The following CASTOR1 variants were observed in gnomAD, a reference collection of about 807,000 sequenced individuals.
CASTOR1 encodes the protein GATS protein like 3.
In CASTOR1, 18 loss-of-function variants were observed where a neutral mutation model predicts 33.7. The observed-to-expected ratio is 0.53, with a 90% CI of 0.37 to 0.79. The LOEUF is 0.79. Ranked by LOEUF, CASTOR1 falls within the 30% of genes least tolerant of loss-of-function variation. The probability of loss-of-function intolerance (pLI) is 0.00; values close to 1 mark genes in which losing one functional copy is unlikely to be tolerated. For synonymous variants in CASTOR1, 175 were observed against 190.6 expected (o/e 0.92, Z 0.67); for missense variants, 362 against 446.3 (o/e 0.81, Z 1.70).
intron 2 of CASTOR1, 37 bp from the exon 3 acceptor site, chr22:30,287,597 G>A (rs1929813482): frequency 1.3e-6 from 2 of 1,557,390 alleles, no homozygotes; most frequent in South Asian, 1.2e-5. Context: ...GGGTCTACAA[G>A]GCTGGCCCCT....
Position 30,285,653 on chromosome 22 carries a change from G to T in CASTOR1, c.957C>A (p.Val319=). 6.4e-7 allele frequency: 1 copy of T among 1,571,888 alleles called. No homozygotes were observed. The highest frequency in any genetic ancestry group is 1.2e-5 in the South Asian group (1 of 85,732). Residue 319 remains valine (V), a synonymous_variant, in exon 9 of 9, where the codon GTC becomes GTA. Transcript: ENST00000407689. ...PEDGIGSVIE[V]LQRRQEGLAS The stretch of plus-strand genomic sequence containing the variant: ...CCAGGCCTTCCTGCCGCCGCTGGAG[G>T]ACCTCGATGACGCTGCCGATACCGT...
At chr22:30,289,285 C>T (rs1022305970) in intron 1 of CASTOR1, 100 bp downstream of exon 1, 100 of 917,632 alleles carry the variant, frequency 1.1e-4, no homozygotes, top group Non-Finnish European at 1.7e-4. Flanking sequence ...TCCCGCCCGC[C>T]TGCCTGCCTG....
At position 30,286,826 on chromosome 22, in the gene CASTOR1, T is replaced by C; in HGVS notation, c.628A>G (p.Ser210Gly). Residue 210 changes from serine to glycine, a missense_variant and splice_region_variant, in exon 5 of 9, where the codon AGC becomes GGC. Transcript: ENST00000407689. The stretch of plus-strand genomic sequence containing the variant: ...CAAAGACGAAGTTCCAAGGTCCACC[T>C]GTGCGAGTAGAAGAGGACATCTATG... ...TLIDVLFYSH[S>G]TPKEAASSSP... The C allele has an allele frequency of 1.2e-6, 2 of 1,614,162 alleles. No individual in the cohort carries two copies. Among genetic ancestry groups the C allele is most frequent in the Non-Finnish European group, 1.7e-6 (2 of 1,180,010 alleles).
Position 30,285,453 on chromosome 22 carries a change from G to A in CASTOR1, c.*167C>T. The A allele has an allele frequency of 1.7e-6, 1 of 594,276 alleles. No individual in the cohort carries two copies. Among genetic ancestry groups the A allele is most frequent in the East Asian group, 3.1e-5 (1 of 32,598 alleles). 36.8% of individuals were successfully genotyped at this position (594,276 alleles called of 1,614,324 possible). On this transcript the variant is annotated 3_prime_UTR_variant, in exon 9 of 9. Transcript: ENST00000407689. Reference sequence around the variant, plus strand: ...ACTCCACCTGTGAGTGTACACAGGTGTCCGCGTAAAAGCCGGTGCCTGCAC... The same window carrying A: ...ACTCCACCTGTGAGTGTACACAGGTATCCGCGTAAAAGCCGGTGCCTGCAC...
chr22:30,287,010 G>A, intron 4 of CASTOR1, 62 bp from the exon 5 acceptor site: 3 of 1,571,406 alleles, frequency 1.9e-6, no homozygotes, highest in Non-Finnish European at 2.6e-6. Context: ...CTGGTGGCTA[G>A]TCAGGGAGAG....
At chr22:30,286,665 C>T (rs1464930481) in intron 5 of CASTOR1, 160 bp downstream of exon 5, 2 of 966,578 alleles carry the variant, frequency 2.1e-6, no homozygotes, top group Non-Finnish European at 3.2e-6. Context: ...GGGCAAGAAC[C>T]TTCCCCGAAC....
At position 30,289,390 on chromosome 22, in the gene CASTOR1, G is replaced by A; in HGVS notation, c.108C>T (p.Arg36=). 1.3e-6 allele frequency: 2 copies of A among 1,583,450 alleles called. No homozygotes were observed. Among genetic ancestry groups the A allele is most frequent in the Non-Finnish European group, 1.7e-6 (2 of 1,168,554 alleles). ...TCCCGAACCCGGGCGCGCACCGGCTGCGGCGGGGCAGGAAGAGCAGCTTGA... is the reference window on the plus strand; with the variant it reads ...TCCCGAACCCGGGCGCGCACCGGCTACGGCGGGGCAGGAAGAGCAGCTTGA... ...PLIKLLFLPR[R]SRCKFFSLTE... is the part of the protein sequence containing the mutation. The change falls in exon 1 of 9, where the codon CGC becomes CGT. Residue 36 remains arginine (R), a synonymous_variant. Transcript: ENST00000407689.
In CASTOR1 at chr22:30,286,928, G is replaced by C; in HGVS notation, c.526C>G (p.Pro176Ala). Residue 176 changes from proline (P) to alanine (A), a missense_variant, in exon 5 of 9, where the codon CCC becomes GCC. Transcript: ENST00000407689. ...AAGCGGTTCTGTGGGCTCTGGATGGGATGCACCGTGGGGCTGGGCCCTGCT... is the reference window on the plus strand; with the variant it reads ...AAGCGGTTCTGTGGGCTCTGGATGGCATGCACCGTGGGGCTGGGCCCTGCT... ...TQHGPSPTVH[P>A]IQSPQNRFCV... 1 of 1,613,686 alleles carries C rather than the reference G, an allele frequency of 6.2e-7. No individual in the cohort carries two copies. Among genetic ancestry groups the C allele is most frequent in the Middle Eastern group, 1.7e-4 (1 of 6,058 alleles).
chr22:30,287,249 C>T lies in CASTOR1; in HGVS notation c.411G>A (p.Leu137=). The T allele has an allele frequency of 6.3e-7, 1 of 1,583,846 alleles. No homozygotes were observed. The highest frequency in any genetic ancestry group is 8.6e-7 in the Non-Finnish European group (1 of 1,162,790). ...EQDLSVVIHT[L]AQEFDIYREV... is the part of the protein sequence containing the mutation. ...CGCGGTAAATGTCGAACTCCTGGGC[C>T]AGCGTGTGGATCACCACGGACAGGT... Residue 137 remains leucine, a synonymous_variant, in exon 4 of 9, where the codon CTG becomes CTA. Transcript: ENST00000407689.
chr22:30,287,568 C>T lies in CASTOR1; in HGVS notation c.185-8G>A, dbSNP rs1454096508. On this transcript the variant is annotated splice_region_variant and splice_polypyrimidine_tract_variant and intron_variant, in intron 2 of 8. Coordinates refer to ENST00000407689, the MANE Select transcript of CASTOR1 (RefSeq NM_001037666.3). ...ACTCAGATGGGGGCAGCTCTGTGGG[C>T]AGGGGACATGTCAGGTCAGGGTCTA... 2 of 1,605,720 alleles carry T rather than the reference C, an allele frequency of 1.2e-6. No individual in the cohort carries two copies. The highest frequency in any genetic ancestry group is 1.7e-5 in the Admixed American group (1 of 59,130).
intron 1 of CASTOR1, chr22:30,289,119 C>T (rs921723454): frequency 3.5e-6 from 2 of 567,842 alleles, no homozygotes; most frequent in African/African-American, 3.9e-5. Flanking sequence ...CCCGCAGTGA[C>T]CAGGTAGGAA....
At chr22:30,287,011 T>A in intron 4 of CASTOR1, 63 bp from the exon 5 acceptor site, 1 of 1,571,148 alleles carries the variant, frequency 6.4e-7, no homozygotes, top group South Asian at 1.2e-5. Context: ...TGGTGGCTAG[T>A]CAGGGAGAGG....
Position 30,286,850 on chromosome 22 carries a change from TG to T in CASTOR1, c.603del (p.Ile202Ter). The T allele has an allele frequency of 1.2e-6, 2 of 1,614,114 alleles. No individual in the cohort carries two copies. Among genetic ancestry groups the T allele is most frequent in the Non-Finnish European group, 1.7e-6 (2 of 1,180,014 alleles). On this transcript the variant is annotated frameshift_variant, in exon 5 of 9. Transcript: ENST00000407689. LOFTEE classifies it high-confidence loss of function. ...PETLPAIATT[L>X]IDVLFYSHST... ...CTGTGCGAGTAGAAGAGGACATCTA[TG>T]AGGGTGGTGGCGATGGCTGGAAGCG...
In CASTOR1 at chr22:30,285,667, T is replaced by C; in HGVS notation, c.943A>G (p.Ser315Gly). ...CGCCGCTGGAGGACCTCGATGACGC[T>C]GCCGATACCGTCCTCGGGCACCTGA... ...HALVPEDGIG[S>G]VIEVLQRRQE... Residue 315 changes from serine to glycine, a missense_variant, in exon 9 of 9, where the codon AGC (serine) becomes GGC (glycine). Ser to Gly is a moderately conservative substitution (Grantham distance 56, BLOSUM62 0). Coordinates refer to ENST00000407689, the MANE Select transcript of CASTOR1 (RefSeq NM_001037666.3). 1 of 1,571,786 alleles carries C rather than the reference T, an allele frequency of 6.4e-7. No individual in the cohort carries two copies. Among genetic ancestry groups the C allele is most frequent in the Middle Eastern group, 2.0e-4 (1 of 4,900 alleles).
At chr22:30,286,731 G>T in intron 5 of CASTOR1, 94 bp downstream of exon 5, 1 of 1,499,452 alleles carries the variant, frequency 6.7e-7, no homozygotes. Flanking sequence ...GAGAGGACAA[G>T]CAAGAGGTGC....
chr22:30,286,955 G>C lies in CASTOR1; in HGVS notation c.506-7C>G, dbSNP rs1294434414. 1 of 1,607,456 alleles carries C rather than the reference G, an allele frequency of 6.2e-7. No homozygotes were observed. The highest frequency in any genetic ancestry group is 8.5e-7 in the Non-Finnish European group (1 of 1,175,766). ...TGCACCGTGGGGCTGGGCCCTGCTGGAGGACAGCAGCAGGTGAAAAGGTGT... is the reference window on the plus strand; with the variant it reads ...TGCACCGTGGGGCTGGGCCCTGCTGCAGGACAGCAGCAGGTGAAAAGGTGT... On this transcript the variant is annotated splice_polypyrimidine_tract_variant and splice_region_variant and intron_variant, in intron 4 of 8. Transcript: ENST00000407689.
chr22:30,285,687 A>C lies in CASTOR1; in HGVS notation c.923T>G (p.Val308Gly). 1 of 1,563,204 alleles carries C rather than the reference A, an allele frequency of 6.4e-7. No homozygotes were observed. Among genetic ancestry groups the C allele is most frequent in the Non-Finnish European group, 8.7e-7 (1 of 1,153,686 alleles). Reference protein sequence around the residue: ...ISTFNFDHALVPEDGIGSVIE... With the variant: ...ISTFNFDHALGPEDGIGSVIE... ...GACGCTGCCGATACCGTCCTCGGGCACCTGAGGGCAGGTGGGCAGGAGGGA... is the reference window on the plus strand; with the variant it reads ...GACGCTGCCGATACCGTCCTCGGGCCCCTGAGGGCAGGTGGGCAGGAGGGA... Residue 308 changes from valine to glycine, a missense_variant and splice_region_variant, in exon 9 of 9, where the codon GTG becomes GGG. Physicochemically the swap from Val to Gly is moderately radical, Grantham distance 109. Coordinates refer to ENST00000407689, the MANE Select transcript of CASTOR1 (RefSeq NM_001037666.3).
rs1195052127 is a variant in CASTOR1 at position 30,286,830 on chromosome 22, C to T, written c.624G>A (p.Ser208=). 2.5e-6 allele frequency: 4 copies of T among 1,613,856 alleles called. No individual in the cohort carries two copies. The highest frequency in any genetic ancestry group is 2.5e-6 in the Non-Finnish European group (3 of 1,179,966). Residue 208 remains serine, a synonymous_variant, in exon 5 of 9, where the codon TCG becomes TCA. Transcript: ENST00000407689. The part of the protein sequence containing the change: ...ATTLIDVLFY[S]HSTPKEAASS... ...GACGAAGTTCCAAGGTCCACCTGTG[C>T]GAGTAGAAGAGGACATCTATGAGGG...
chr22:30,285,246 C>CAT lies in CASTOR1; in HGVS notation c.*373_*374insAT. 1 of 191,016 alleles carries CAT rather than the reference C, an allele frequency of 5.2e-6. No individual in the cohort carries two copies. The highest frequency in any genetic ancestry group is 1.1e-5 in the Non-Finnish European group (1 of 93,588). 11.8% of individuals were successfully genotyped at this position (191,016 alleles called of 1,614,324 possible). The stretch of plus-strand genomic sequence containing the variant: ...CACCTGGCCAGGGAAGGCAACCCCA[C>CAT]CAGAGGCAGAACGGAGGTCAGCGGG... On this transcript the variant is annotated 3_prime_UTR_variant, in exon 9 of 9. Transcript: ENST00000407689.
Sources: gnomAD v4.1 joint callset for allele counts on GRCh38, gnomAD v4.1.1 for gene constraint, MANE v1.5 for transcripts, NCBI Gene and HGNC (gene_info 2026-07-23, HGNC 2026-07-21) for gene names.